MYO1A: variants seen among roughly 807,000 people sequenced by gnomAD.
MYO1A encodes unconventional myosin-Ia.
In MYO1A, 127 loss-of-function variants were observed where a neutral mutation model predicts 138.5. The observed-to-expected ratio is 0.92, with a 90% CI of 0.79 to 1.06. MYO1A has a LOEUF of 1.06. Among genes scored for constraint, MYO1A ranks in the 50% least tolerant of loss-of-function variants. MYO1A has a pLI of 0.00. For synonymous variants in MYO1A, 477 were observed against 497.5 expected (o/e 0.96, Z 0.55); for missense variants, 1,211 against 1,288.8 (o/e 0.94, Z 0.92).
rs116642760 is a variant in MYO1A, at chr12:57,039,055, G to A, written c.1333-46C>T. On this transcript the variant is annotated intron_variant, in intron 15 of 27. Transcript: ENST00000300119. Reference sequence around the variant, plus strand: ...AAGCCCAACCTAAATCTGGTCCTCCGAGATGTCCACGTTCTCATTGCTGCC... The same window carrying A: ...AAGCCCAACCTAAATCTGGTCCTCCAAGATGTCCACGTTCTCATTGCTGCC... 3.1e-4 allele frequency: 490 copies of A among 1,593,038 alleles called. No homozygotes were observed. The African/African-American group carries it at 4.7e-3, about 15-fold the overall frequency.
intron 5 of MYO1A, 49 bp downstream of exon 5, chr12:57,047,254 T>C (rs774156797): frequency 2.5e-6 from 4 of 1,589,050 alleles, no homozygotes; most frequent in Non-Finnish European, 1.7e-6. Context: ...GGCTCAGTGA[T>C]TCTGGGGGTT....
At chr12:57,045,380 G>A in intron 8 of MYO1A, among the ~76,000 whole-genome samples, 1 of 152,124 alleles carries the variant, frequency 6.6e-6, no homozygotes. Context: ...AGCACACAAA[G>A]TTTGAAACAA....
chr12:57,029,667 G>A (rs1404489963), intron 25 of MYO1A, 73 bp downstream of exon 25: 11 of 1,613,894 alleles, frequency 6.8e-6, no homozygotes, highest in Admixed American at 1.7e-5. Context: ...AACACAGCCT[G>A]CCATCTGCTC....
chr12:57,047,714 A>G lies in MYO1A; in HGVS notation c.238T>C (p.Leu80=), dbSNP rs1477422622. 2 of 1,614,130 alleles carry G rather than the reference A, an allele frequency of 1.2e-6. No homozygotes were observed. The highest frequency in any genetic ancestry group is 1.7e-6 in the Non-Finnish European group (2 of 1,180,016). The change falls in exon 4 of 28, where the codon TTG becomes CTG. Residue 80 remains leucine, a synonymous_variant. Coordinates refer to ENST00000300119, the MANE Select transcript of MYO1A (RefSeq NM_005379.4). ...AGTGACTGGTACGCCACATTTGCCA[A>G]TGCGTAGCTTGTGGGGAGGAAGTGG... ...FYELKPHIYA[L]ANVAYQSLRD...
chr12:57,042,847 A>C (rs1377638477), intron 12 of MYO1A, among the ~76,000 whole-genome samples: 3 of 152,186 alleles, frequency 2.0e-5, no homozygotes, highest in African/African-American at 7.2e-5. Flanking sequence ...TTTTTACTTA[A>C]TTGAAAGTCC....
chr12:57,047,418 A>G lies in MYO1A; in HGVS notation c.326-11T>C, dbSNP rs766932427. On this transcript the variant is annotated splice_polypyrimidine_tract_variant and intron_variant, in intron 4 of 27. Transcript: ENST00000300119. ...CCAGCTTGCTGGCCTCTGTGCAGGC[A>G]AAACGCTCTCATGGGTCCCCACCCA... is the stretch of plus-strand genomic sequence containing the variant. 6.2e-7 allele frequency: 1 copy of G among 1,613,470 alleles called. No individual in the cohort carries two copies. Among genetic ancestry groups the G allele is most frequent in the South Asian group, 1.1e-5 (1 of 91,062 alleles).
rs547577459 is a variant in MYO1A at position 57,040,813 on chromosome 12, G to GC, written c.1269+370dup. Among the ~76,000 whole-genome samples, 230 of 152,322 alleles carry GC rather than the reference G, an allele frequency of 1.5e-3. 1 individual carries two copies. The highest frequency in any genetic ancestry group is 5.4e-3 in the African/African-American group (224 of 41,564). On this transcript the variant is annotated intron_variant, in intron 14 of 27. Transcript: ENST00000300119. ...AGAAAGGACAGCAACTCTAGCTAGG[G>GC]CCCGGGGGAGACCAAGGACTCTGAG...
At position 57,039,266 on chromosome 12, in the gene MYO1A, C is replaced by T. The variant is rs749945163; in HGVS notation, c.1278G>A (p.Pro426=). Residue 426 remains proline (P), a synonymous_variant, in exon 15 of 28, where the codon CCG becomes CCA. Transcript: ENST00000300119. ...TATCAAAGTAGTCCACCTTTGTCCACGGTATGCCCTGGTCAGGGGAGACAA... is the reference window on the plus strand; with the variant it reads ...TATCAAAGTAGTCCACCTTTGTCCATGGTATGCCCTGGTCAGGGGAGACAA... The part of the protein sequence containing the change: ...EQEEYKREGI[P]WTKVDYFDNG... The T allele has an allele frequency of 1.5e-4, 242 of 1,613,642 alleles. 4 individuals are homozygous for T. The South Asian group carries it at 2.1e-3, about 14-fold the overall frequency.
In MYO1A at chr12:57,032,899, G is replaced by T. The variant is rs552867883; in HGVS notation, c.2350-1725C>A. Among the ~76,000 whole-genome samples the T allele has an allele frequency of 1.2e-4, 18 of 152,104 alleles. 1 individual carries two copies. The East Asian group carries it at 3.5e-3, about 29-fold the overall frequency. ...AGTTTTTTTAACTTACAGAAAAGTT[G>T]AAAAAAGATACAATTAACATCTGTA... On this transcript the variant is annotated intron_variant, in intron 22 of 27. Transcript: ENST00000300119.
intron 8 of MYO1A, among the ~76,000 whole-genome samples, chr12:57,045,717 T>C (rs2031065707): frequency 6.6e-6 from 1 of 152,118 alleles, no homozygotes; most frequent in African/African-American, 2.4e-5. Context: ...AGAGAGGAGA[T>C]TGGGAGGCAA....
rs1229905670 is a variant in MYO1A, at chr12:57,029,123, T to C, written c.3005+9A>G. 6.2e-7 allele frequency: 1 copy of C among 1,614,090 alleles called. No individual in the cohort carries two copies. The highest frequency in any genetic ancestry group is 1.7e-5 in the Admixed American group (1 of 60,018). ...TAAGCCGCCCCTCACCCCCAGTTCA[T>C]GGCCTCACTTCTCAGTCACGGTGAC... On this transcript the variant is annotated intron_variant, in intron 27 of 27. Coordinates refer to ENST00000300119, the MANE Select transcript of MYO1A (RefSeq NM_005379.4).
intron 8 of MYO1A, 69 bp downstream of exon 8, chr12:57,046,483 G>A: frequency 8.3e-7 from 1 of 1,203,256 alleles, no homozygotes; most frequent in Non-Finnish European, 1.2e-6. Flanking sequence ...GGGGTTCTGG[G>A]ACTGAATGGA....
rs764967970 is a variant in MYO1A, at chr12:57,038,552, G to T, written c.1620C>A (p.His540Gln). The T allele has an allele frequency of 2.5e-6, 4 of 1,614,102 alleles. No homozygotes were observed. The highest frequency in any genetic ancestry group is 2.5e-6 in the Non-Finnish European group (3 of 1,180,050). ...CAGGAAACAAGGACCGAAGGAGGGG[G>T]TGCTGGGCCTTCCACATGGCCTGCA... is the stretch of plus-strand genomic sequence containing the variant. ...DLLQAMWKAQ[H>Q]PLLRSLFPEG... The change falls in exon 17 of 28, where the codon CAC becomes CAA. Residue 540 changes from histidine to glutamine, a missense_variant. Coordinates refer to ENST00000300119, the MANE Select transcript of MYO1A (RefSeq NM_005379.4).
rs1210605549 is a variant in MYO1A, at chr12:57,028,860, C to T, written c.3027G>A (p.Glu1009=). Residue 1009 remains glutamate, a synonymous_variant, in exon 28 of 28, where the codon GAG becomes GAA. Coordinates refer to ENST00000300119, the MANE Select transcript of MYO1A (RefSeq NM_005379.4). The stretch of plus-strand genomic sequence containing the variant: ...GGACGACCTTGACAGCCACACTGTT[C>T]TCCTTGAACCTCACTGAGAACCTGG... ...VTEKFSVRFK[E]NSVAVKVVQG... 1 of 1,613,314 alleles carries T rather than the reference C, an allele frequency of 6.2e-7. No individual in the cohort carries two copies. The highest frequency in any genetic ancestry group is 1.3e-5 in the African/African-American group (1 of 74,882).
intron 22 of MYO1A, among the ~76,000 whole-genome samples, chr12:57,032,079 C>T (rs1292669576): frequency 6.6e-6 from 1 of 152,228 alleles, no homozygotes; most frequent in African/African-American, 2.4e-5. Context: ...TCTCTTGACT[C>T]AACTCTGCCA....
intron 12 of MYO1A, among the ~76,000 whole-genome samples, chr12:57,042,317 T>C (rs1209511325): frequency 1.3e-5 from 2 of 152,262 alleles, no homozygotes. Context: ...GTATCAGTAC[T>C]TCATTCTTTT....
At position 57,048,218 on chromosome 12, in the gene MYO1A, CCTT is replaced by C. The variant is rs759028720; in HGVS notation, c.103_105del (p.Lys35del). The C allele has an allele frequency of 1.1e-5, 17 of 1,613,262 alleles. No homozygotes were observed. Among genetic ancestry groups the C allele is most frequent in the African/African-American group, 8.0e-5 (6 of 74,914 alleles). ...ACCCATATGACACTCACATAAATCTCCTTGTTTTCATAGCGAAGCTGAAGATTC... is the reference window on the plus strand; with the variant it reads ...ACCCATATGACACTCACATAAATCTCGTTTTCATAGCGAAGCTGAAGATTC... On this transcript the variant is annotated inframe_deletion, in exon 2 of 28. Coordinates refer to ENST00000300119, the MANE Select transcript of MYO1A (RefSeq NM_005379.4).
At chr12:57,041,366 TC>T in intron 13 of MYO1A, 65 bp downstream of exon 13, 1 of 1,582,854 alleles carries the variant, frequency 6.3e-7, no homozygotes, top group African/African-American at 1.3e-5. Context: ...CTCCCTCACA[TC>T]CCCCCTGTGA....
Position 57,048,334 on chromosome 12 carries a change from G to T in MYO1A, c.-11C>A. ...TTCCAGGAGAGGCATGTCCAGAGGG[G>T]CCACTGATCCTGGGAATAAGAGGCA... On this transcript the variant is annotated 5_prime_UTR_variant, in exon 2 of 28. Coordinates refer to ENST00000300119, the MANE Select transcript of MYO1A (RefSeq NM_005379.4). 3 of 1,593,880 alleles carry T rather than the reference G, an allele frequency of 1.9e-6. No homozygotes were observed. Among genetic ancestry groups the T allele is most frequent in the Non-Finnish European group, 1.7e-6 (2 of 1,161,658 alleles).
Sources: gnomAD v4.1 joint callset for allele counts (sites outside exome capture counted in the v4.1 genomes callset) on GRCh38, gnomAD v4.1.1 for gene constraint, MANE v1.5 for transcripts, NCBI Gene and HGNC (gene_info 2026-07-23, HGNC 2026-07-21) for gene names.